The following GPD2 variants were observed in gnomAD, a reference collection of about 807,000 sequenced individuals.
GPD2 encodes the protein glycerol-3-phosphate dehydrogenase, mitochondrial.
In GPD2, 54 loss-of-function variants were observed where a neutral mutation model predicts 82.4. The observed-to-expected ratio is 0.66, with a 90% CI of 0.53 to 0.82. The LOEUF is 0.82. GPD2 is among the 40% of genes least tolerant of loss of function. The pLI is 0.00. For synonymous variants in GPD2, 288 were observed against 306.1 expected (o/e 0.94, Z 0.62); for missense variants, 748 against 896.2 (o/e 0.83, Z 2.11).
At chr2:156,511,238 C>A (rs1210650493) in intron 4 of GPD2, among the ~76,000 whole-genome samples, 1 of 152,186 alleles carries the variant, frequency 6.6e-6, no homozygotes, top group Non-Finnish European at 1.5e-5. Context: ...ACTTTGCAAG[C>A]ACTTTCAGGG....
chr2:156,475,512 G>C (rs186411587), intron 1 of GPD2, among the ~76,000 whole-genome samples: 1 of 152,110 alleles, frequency 6.6e-6, no homozygotes, highest in Non-Finnish European at 1.5e-5. Flanking sequence ...GGGATTACAA[G>C]TGTGAGCCAC....
At chr2:156,549,414 G>C (rs1465684035) in intron 6 of GPD2, among the ~76,000 whole-genome samples, 194 bp from the exon 7 acceptor site, 1 of 152,208 alleles carries the variant, frequency 6.6e-6, no homozygotes, top group Non-Finnish European at 1.5e-5. Context: ...AAATGCACTT[G>C]CTGAAGCGGC....
the GPD2 span, among the ~76,000 whole-genome samples, chr2:156,414,782 C>A: frequency 6.6e-6 from 1 of 152,186 alleles, no homozygotes; most frequent in East Asian, 1.9e-4. Context: ...TTATATCATT[C>A]CCATTTACAT....
At chr2:156,436,340 C>G (rs1191490104), upstream of GPD2, 2 of 152,586 alleles carry the variant, frequency 1.3e-5, no homozygotes, top group African/African-American at 4.8e-5. Context: ...GGGGGCGCGG[C>G]CCGCCCGGCG....
intron 9 of GPD2, among the ~76,000 whole-genome samples, chr2:156,564,483 A>G (rs890624426): frequency 2.0e-5 from 3 of 152,144 alleles, no homozygotes; most frequent in Admixed American, 1.3e-4. Context: ...CTTTTATTCA[A>G]GAAGTTGGAA....
At chr2:156,548,528 A>G (rs921899378) in intron 6 of GPD2, among the ~76,000 whole-genome samples, 4 of 152,178 alleles carry the variant, frequency 2.6e-5, no homozygotes, top group African/African-American at 9.7e-5. Context: ...CAGAATCTTC[A>G]GTCATTGATT....
At chr2:156,528,949 AC>A (rs968519873) in intron 6 of GPD2, among the ~76,000 whole-genome samples, 4 of 152,032 alleles carry the variant, frequency 2.6e-5, no homozygotes, top group Non-Finnish European at 4.4e-5. Flanking sequence ...TTGGGTATAT[AC>A]CCAGTAATGG....
chr2:156,579,145 A>G lies in GPD2; in HGVS notation c.1940A>G (p.Asp647Gly). The G allele has an allele frequency of 6.2e-7, 1 of 1,601,234 alleles. No individual in the cohort carries two copies. The highest frequency in any genetic ancestry group is 8.6e-7 in the Non-Finnish European group (1 of 1,168,608). Residue 647 changes from aspartate (D) to glycine (G), a missense_variant, in exon 15 of 17, where the codon GAT (aspartate) becomes GGT (glycine). Coordinates refer to ENST00000438166, the MANE Select transcript of GPD2 (RefSeq NM_000408.5). ...CAGAAAGGCTTTATTACCATTGTTG[A>G]TGTTCAGCGTGTATTAGAGGTAATT... ...ADQKGFITIVDVQRVLESINV... is the reference protein window; with the variant it reads ...ADQKGFITIVGVQRVLESINV...
intron 2 of GPD2, among the ~76,000 whole-genome samples, chr2:156,494,815 T>TAC (rs1684309915): frequency 1.3e-5 from 2 of 152,200 alleles, no homozygotes; most frequent in Non-Finnish European, 2.9e-5. Context: ...TGCTGGCCAG[T>TAC]ACTGTTTGCT....
intron 1 of GPD2, among the ~76,000 whole-genome samples, chr2:156,451,871 C>T (rs1466734317): frequency 6.6e-6 from 1 of 150,860 alleles, no homozygotes; most frequent in Non-Finnish European, 1.5e-5. Flanking sequence ...CTCCTCACTT[C>T]TCAGACGGGG....
At chr2:156,572,386 A>T (rs556434396) in intron 13 of GPD2, among the ~76,000 whole-genome samples, 1 of 152,138 alleles carries the variant, frequency 6.6e-6, no homozygotes, top group South Asian at 2.1e-4. Context: ...AGTGAATTCA[A>T]CCGTTTCTTA....
At chr2:156,458,227 A>G (rs1256863727) in intron 1 of GPD2, among the ~76,000 whole-genome samples, 4 of 152,184 alleles carry the variant, frequency 2.6e-5, no homozygotes, top group Non-Finnish European at 4.4e-5. Context: ...TTCTCTGTGC[A>G]TCTGTGGACT....
chr2:156,455,679 C>T (rs1301241595), intron 1 of GPD2, among the ~76,000 whole-genome samples: 1 of 152,160 alleles, frequency 6.6e-6, no homozygotes, highest in Non-Finnish European at 1.5e-5. Context: ...CCCTAGAAAC[C>T]TCCCCTGATG....
chr2:156,401,940 T>C, the GPD2 span, among the ~76,000 whole-genome samples: 1 of 152,182 alleles, frequency 6.6e-6, no homozygotes, highest in Admixed American at 6.5e-5. Flanking sequence ...ATAGGCAACA[T>C]TGGCTTTTTA....
At chr2:156,415,978 G>C in the GPD2 span, among the ~76,000 whole-genome samples, 3 of 113,816 alleles carry the variant, frequency 2.6e-5, no homozygotes, top group African/African-American at 8.5e-5. Flanking sequence ...CCGAGATCCC[G>C]CCACTGCACT....
upstream of GPD2, among the ~76,000 whole-genome samples, chr2:156,432,443 C>G (rs1688328563): frequency 6.6e-6 from 1 of 152,064 alleles, no homozygotes; most frequent in African/African-American, 2.4e-5. Flanking sequence ...GTGCCTATTC[C>G]CATCTTTATG....
At chr2:156,456,156 C>T (rs1172167338) in intron 1 of GPD2, among the ~76,000 whole-genome samples, 2 of 152,086 alleles carry the variant, frequency 1.3e-5, no homozygotes, top group African/African-American at 4.8e-5. Context: ...TAATCATTAA[C>T]GTTTTCAGTG....
In GPD2 at chr2:156,582,835, C is replaced by T; in HGVS notation, c.2101C>T (p.Leu701Phe). Residue 701 changes from leucine to phenylalanine, a missense_variant, in exon 17 of 17, where the codon CTT becomes TTT. Around this residue, in one of 3 missense-constraint regions of GPD2, gnomAD observed 46 missense variants for 49.1 expected, o/e 0.94. Transcript: ENST00000438166. ...IQKGRVSGSR[L>F]AILMKTAEEN... ...AAAAGGAAGGGTATCTGGAAGCCGG[C>T]TTGCTATACTAATGAAAACTGCAGA... The T allele has an allele frequency of 6.2e-7, 1 of 1,612,914 alleles. No homozygotes were observed. Among genetic ancestry groups the T allele is most frequent in the South Asian group, 1.1e-5 (1 of 91,066 alleles).
Position 156,578,941 on chromosome 2 carries a change from C to G in GPD2, c.1820C>G (p.Ser607Cys). Residue 607 changes from serine (S) to cysteine (C), a missense_variant, in exon 14 of 17, where the codon TCT (serine) becomes TGT (cysteine). By Grantham distance (112) the Ser-to-Cys change is moderately radical (BLOSUM62 -1). This residue lies in a region of GPD2 where 692 missense variants were observed against 809.7 expected (regional missense o/e 0.85). Coordinates refer to ENST00000438166, the MANE Select transcript of GPD2 (RefSeq NM_000408.5). ...KFLYYEMGYK[S>C]RSEQLTDRSE... is the part of the protein sequence containing the mutation. Reference sequence around the variant, plus strand: ...CTATATTATGAAATGGGCTATAAATCTCGATCAGAACAGTTAACAGATCGC... The same window carrying G: ...CTATATTATGAAATGGGCTATAAATGTCGATCAGAACAGTTAACAGATCGC... The G allele has an allele frequency of 6.2e-7, 1 of 1,612,326 alleles. No homozygotes were observed.
Sources: gnomAD v4.1 joint callset for allele counts (sites outside exome capture counted in the v4.1 genomes callset) on GRCh38, gnomAD v4.1.1 for gene constraint, gnomAD v4.1.1 regional missense constraint, MANE v1.5 for transcripts, NCBI Gene and HGNC (gene_info 2026-07-23, HGNC 2026-07-21) for gene names.